SLC1A6: variants seen among roughly 807,000 people sequenced by gnomAD.
SLC1A6 encodes excitatory amino acid transporter 4.
In SLC1A6, 15 loss-of-function variants were observed where a neutral mutation model predicts 42.1. The observed-to-expected ratio is 0.36, with a 90% CI of 0.24 to 0.55. The LOEUF (loss-of-function observed/expected upper bound fraction) is 0.55. Among genes scored for constraint, SLC1A6 ranks in the 20% least tolerant of loss-of-function variants. SLC1A6 has a pLI of 0.88. For synonymous variants in SLC1A6, 317 were observed against 319.7 expected (o/e 0.99, Z 0.09); for missense variants, 542 against 772.5 (o/e 0.70, Z 3.54).
At chr19:15,003,248 G>T (rs1279104588) in intron 1 of SLC1A6, among the ~76,000 whole-genome samples, 5 of 152,134 alleles carry the variant, frequency 3.3e-5, no homozygotes, top group Admixed American at 2.6e-4. Context: ...AAAGTGCTGG[G>T]ATTACAGGCA....
rs569460272 is a variant in SLC1A6 at position 14,951,902 on chromosome 19, C to A, written c.1499+1026G>T. ...TGATCTTGACTCACTGCAGCCTCAA[C>A]CTCCCAGGTTCAAGAGTTCCTCCCA... On this transcript the variant is annotated intron_variant, in intron 9 of 9. Coordinates refer to ENST00000594383, the MANE Select transcript of SLC1A6 (RefSeq NM_005071.3). Among the ~76,000 whole-genome samples, 7 of 152,098 alleles carry A rather than the reference C, an allele frequency of 4.6e-5. No individual in the cohort carries two copies. In the South Asian group the frequency reaches 1.5e-3, roughly 32 times the overall value.
chr19:14,959,672 A>G (rs1036722603), intron 6 of SLC1A6, among the ~76,000 whole-genome samples: 2 of 152,088 alleles, frequency 1.3e-5, no homozygotes, highest in Non-Finnish European at 2.9e-5. Context: ...AACTTACCCC[A>G]TGCTCTCACC....
At chr19:14,967,111 T>C (rs1046920152) in intron 4 of SLC1A6, among the ~76,000 whole-genome samples, 7 of 152,180 alleles carry the variant, frequency 4.6e-5, no homozygotes, top group Non-Finnish European at 1.0e-4. Flanking sequence ...CAATGATGCT[T>C]AGGCAAATAC....
At chr19:14,971,963 G>T in intron 2 of SLC1A6, 89 bp from the exon 3 acceptor site, 1 of 1,329,118 alleles carries the variant, frequency 7.5e-7, no homozygotes, top group Non-Finnish European at 1.1e-6. Flanking sequence ...GTAGGGCAAG[G>T]GTGGGAGTGA....
At position 14,959,776 on chromosome 19, in the gene SLC1A6, T is replaced by C. The variant is rs564358668; in HGVS notation, c.935+2226A>G. ...GCCTGAAATACGTCTCCCCTCTCACTGTCCAGTTGAAGTCCTACTCACCTG... is the reference window on the plus strand; with the variant it reads ...GCCTGAAATACGTCTCCCCTCTCACCGTCCAGTTGAAGTCCTACTCACCTG... On this transcript the variant is annotated intron_variant, in intron 6 of 9. Transcript: ENST00000594383. Among the ~76,000 whole-genome samples, 7 of 152,340 alleles carry C rather than the reference T, an allele frequency of 4.6e-5. No individual in the cohort carries two copies. In the South Asian group the frequency reaches 1.4e-3, roughly 32 times the overall value.
intron 1 of SLC1A6, among the ~76,000 whole-genome samples, chr19:15,008,027 C>CA (rs1329652321): frequency 3.9e-5 from 5 of 127,798 alleles, no homozygotes. Flanking sequence ...GTCTGCCCCC[C>CA]CCCCAAAAAA....
At chr19:14,984,182 G>A (rs1276822625), upstream of SLC1A6, among the ~76,000 whole-genome samples, 1 of 152,066 alleles carries the variant, frequency 6.6e-6, no homozygotes, top group Non-Finnish European at 1.5e-5. Flanking sequence ...GGTGGCGCTT[G>A]CCTGTAGTCA....
intron 4 of SLC1A6, among the ~76,000 whole-genome samples, chr19:14,966,893 G>T (rs1387199659): frequency 1.3e-5 from 2 of 152,080 alleles, no homozygotes; most frequent in Non-Finnish European, 2.9e-5. Flanking sequence ...TGGGGGCAAA[G>T]GGAGGGGGAG....
At chr19:14,992,136 T>A (rs2045823688) in intron 1 of SLC1A6, among the ~76,000 whole-genome samples, 1 of 152,254 alleles carries the variant, frequency 6.6e-6, no homozygotes, top group African/African-American at 2.4e-5. Context: ...CCTTCTGCTT[T>A]TCAGGCTCCT....
rs2045659342 is a variant in SLC1A6 at position 14,972,851 on chromosome 19, C to T, written c.60G>A (p.Val20=). Residue 20 remains valine (V), a synonymous_variant, in exon 2 of 10, where the codon GTG becomes GTA. Transcript: ENST00000594383. ...LRESGQRLGR[V]GWLQRLQESL... ...TTTCCTGCAGCCGCTGCAGCCAGCC[C>T]ACCCGGCCCAGCCGCTGGCCGCTCT... The T allele has an allele frequency of 5.6e-6, 9 of 1,603,452 alleles. No homozygotes were observed. Among genetic ancestry groups the T allele is most frequent in the Admixed American group, 1.7e-5 (1 of 58,256 alleles).
At chr19:14,957,647 A>G (rs1321270535) in intron 6 of SLC1A6, among the ~76,000 whole-genome samples, 2 of 152,174 alleles carry the variant, frequency 1.3e-5, no homozygotes, top group African/African-American at 4.8e-5. Flanking sequence ...TGTCTATGGT[A>G]TTTTTGTTAC....
intron 4 of SLC1A6, among the ~76,000 whole-genome samples, chr19:14,967,627 C>G (rs574468385): frequency 6.6e-6 from 1 of 152,316 alleles, no homozygotes; most frequent in African/African-American, 2.4e-5. Context: ...GGATCTAAGA[C>G]CATGCCACGC....
At chr19:14,989,934 G>A (rs984526456) in intron 1 of SLC1A6, among the ~76,000 whole-genome samples, 11 of 152,224 alleles carry the variant, frequency 7.2e-5, no homozygotes, top group African/African-American at 2.4e-4. Flanking sequence ...GGAGGTTGCA[G>A]TGAGCCAAGT....
chr19:14,980,001 A>G (rs1433600522), upstream of SLC1A6: 1 of 152,288 alleles, frequency 6.6e-6, no homozygotes, highest in East Asian at 1.9e-4. Context: ...AGCGCGGGGA[A>G]CAGGCCCTGG....
intron 9 of SLC1A6, among the ~76,000 whole-genome samples, chr19:14,951,224 C>G (rs2045408340): frequency 1.6e-5 from 2 of 121,260 alleles, no homozygotes; most frequent in African/African-American, 6.4e-5. Flanking sequence ...TGCACTCCAG[C>G]TTGGGTGACA....
intron 1 of SLC1A6, among the ~76,000 whole-genome samples, chr19:14,988,427 C>G (rs1302922820): frequency 6.6e-6 from 1 of 152,146 alleles, no homozygotes; most frequent in South Asian, 2.1e-4. Flanking sequence ...CTCTGTGAAA[C>G]CTTATGTTCA....
rs200538770 is a variant in SLC1A6 at position 14,968,462 on chromosome 19, C to T, written c.389G>A (p.Arg130Gln). 61 of 1,613,262 alleles carry T rather than the reference C, an allele frequency of 3.8e-5. No homozygotes were observed. The highest frequency in any genetic ancestry group is 1.7e-4 in the Middle Eastern group (1 of 6,006). ...DNKATGRMGM[R>Q]AAVYYMVTTI... ...GGTCACCATGTAGTACACAGCTGCC[C>T]GCATCCCCATCCGCCCCGTGGCCTT... Residue 130 changes from arginine to glutamine, a missense_variant, in exon 4 of 10, where the codon CGG (arginine) becomes CAG (glutamine). Coordinates refer to ENST00000594383, the MANE Select transcript of SLC1A6 (RefSeq NM_005071.3).
At chr19:14,992,778 G>A (rs774927646) in intron 1 of SLC1A6, among the ~76,000 whole-genome samples, 1 of 152,180 alleles carries the variant, frequency 6.6e-6, no homozygotes, top group Non-Finnish European at 1.5e-5. Flanking sequence ...TAGGAGGGCA[G>A]GGCAGTGCAG....
chr19:14,960,930 C>CTTTT (rs58843508), intron 6 of SLC1A6, among the ~76,000 whole-genome samples: 163 of 138,700 alleles, frequency 1.2e-3, no homozygotes, highest in African/African-American at 3.6e-3. Flanking sequence ...TGGTCTCTCC[C>CTTTT]TTTTTTTTTT....
Sources: gnomAD v4.1 joint callset for allele counts (sites outside exome capture counted in the v4.1 genomes callset) on GRCh38, gnomAD v4.1.1 for gene constraint, MANE v1.5 for transcripts, NCBI Gene and HGNC (gene_info 2026-07-23, HGNC 2026-07-21) for gene names.